Variants in ITPKB observed in about 807,000 individuals in gnomAD.
ITPKB encodes IP3 3-kinase B.
ITPKB carries 13 observed loss-of-function variants against 69.4 expected under a neutral mutation model. That is an observed-to-expected ratio of 0.19 (90% CI 0.12 to 0.30). The LOEUF (loss-of-function observed/expected upper bound fraction) is 0.30, where lower values mean the gene tolerates loss of function less well. Among genes scored for constraint, ITPKB ranks in the 10% least tolerant of loss-of-function variants. ITPKB has a pLI of 1.00. For synonymous variants in ITPKB, 584 were observed against 513.7 expected (o/e 1.14, Z -1.85); for missense variants, 1,240 against 1,250.5 (o/e 0.99, Z 0.13).
At chr1:226,665,824 T>C (rs1443612359) in intron 2 of ITPKB, among the ~76,000 whole-genome samples, 1 of 152,174 alleles carries the variant, frequency 6.6e-6, no homozygotes, top group African/African-American at 2.4e-5. Context: ...CGTTTGGGAC[T>C]TGCAGCCACG....
rs953750007 is a variant in ITPKB, at chr1:226,738,845, A to G, written c.-206+196T>C. 2.0e-5 allele frequency among the ~76,000 whole-genome samples: 3 copies of G among 152,126 alleles called. No homozygotes were observed. The highest frequency in any genetic ancestry group is 2.1e-4 in the South Asian group (1 of 4,822). On this transcript the variant is annotated intron_variant, in intron 1 of 7. Coordinates refer to ENST00000429204, the MANE Select transcript of ITPKB (RefSeq NM_002221.4). The surrounding 1 kb of genome is among the most constrained non-coding windows in gnomAD (Gnocchi z 4.2). ...CGGAAGGCGGGTAGGAGAAATGCGGAGACCTCGTCTCTCCCTATTTTCTCC... is the reference window on the plus strand; with the variant it reads ...CGGAAGGCGGGTAGGAGAAATGCGGGGACCTCGTCTCTCCCTATTTTCTCC...
In ITPKB at chr1:226,675,657, C is replaced by T. The variant is rs138930715; in HGVS notation, c.1933-26886G>A. 3.4e-3 allele frequency among the ~76,000 whole-genome samples: 515 copies of T among 152,294 alleles called. 1 individual carries two copies. Among genetic ancestry groups the T allele is most frequent in the Middle Eastern group, 6.8e-3 (2 of 294 alleles). ...CAAATTACCCAACCTTCCTGCTTCTCGATTTCTACTTCCTCTATAAAACAG... is the reference window on the plus strand; with the variant it reads ...CAAATTACCCAACCTTCCTGCTTCTTGATTTCTACTTCCTCTATAAAACAG... On this transcript the variant is annotated intron_variant, in intron 2 of 7. Coordinates refer to ENST00000429204, the MANE Select transcript of ITPKB (RefSeq NM_002221.4).
At chr1:226,685,133 A>G (rs1656177608) in intron 2 of ITPKB, among the ~76,000 whole-genome samples, 1 of 152,202 alleles carries the variant, frequency 6.6e-6, no homozygotes, top group Admixed American at 6.5e-5. Context: ...ACAACACAGT[A>G]AGAGATTCAT....
intron 2 of ITPKB, among the ~76,000 whole-genome samples, chr1:226,649,554 T>C (rs776837241): frequency 1.7e-4 from 25 of 150,848 alleles, no homozygotes; most frequent in Non-Finnish European, 2.2e-4. Context: ...GCGTGTGTGA[T>C]ATGCACATAT....
chr1:226,667,236 G>T (rs1669519598), intron 2 of ITPKB, among the ~76,000 whole-genome samples: 1 of 152,174 alleles, frequency 6.6e-6, no homozygotes, highest in African/African-American at 2.4e-5. Context: ...TTGAGGACTG[G>T]AAATGGCCAG....
intron 2 of ITPKB, among the ~76,000 whole-genome samples, chr1:226,679,692 T>C (rs966819385): frequency 3.9e-5 from 6 of 152,246 alleles, no homozygotes; most frequent in Non-Finnish European, 4.4e-5. Context: ...GTATTTTTAA[T>C]GTTAGGAAAA....
intron 2 of ITPKB, among the ~76,000 whole-genome samples, chr1:226,734,565 T>C (rs1313964773): frequency 6.6e-6 from 1 of 152,158 alleles, no homozygotes; most frequent in Non-Finnish European, 1.5e-5. Context: ...TTCCCCATGC[T>C]CTCTGGAAAA....
chr1:226,735,007 A>G lies in ITPKB; in HGVS notation c.1932+520T>C, dbSNP rs554413535. ...TTCCTCACCCAGTTGACTGGCCACA[A>G]CCACATCTACAGGTTTCAGGGTCCT... On this transcript the variant is annotated intron_variant, in intron 2 of 7. Coordinates refer to ENST00000429204, the MANE Select transcript of ITPKB (RefSeq NM_002221.4). Among the ~76,000 whole-genome samples the G allele has an allele frequency of 3.8e-3, 585 of 152,338 alleles. 5 individuals are homozygous for G. The highest frequency in any genetic ancestry group is 0.014 in the African/African-American group (565 of 41,570).
At chr1:226,664,214 TGATA>T (rs1163793681) in intron 2 of ITPKB, among the ~76,000 whole-genome samples, 3 of 152,358 alleles carry the variant, frequency 2.0e-5, no homozygotes, top group Non-Finnish European at 4.4e-5. Context: ...TATTCTGGAA[TGATA>T]GAGGCTGAAG....
intron 2 of ITPKB, among the ~76,000 whole-genome samples, chr1:226,728,535 C>T (rs931809944): frequency 7.2e-5 from 11 of 152,242 alleles, no homozygotes; most frequent in African/African-American, 2.7e-4. Flanking sequence ...CGCACAAACA[C>T]TTTGCAAACG....
At chr1:226,704,450 A>C (rs776652276) in intron 2 of ITPKB, among the ~76,000 whole-genome samples, 2 of 152,334 alleles carry the variant, frequency 1.3e-5, no homozygotes, top group East Asian at 3.9e-4. Flanking sequence ...GCTAATGAAG[A>C]TGTGTGAGAA....
At chr1:226,639,683 G>T in intron 5 of ITPKB, 25 bp from the exon 6 acceptor site, 1 of 1,517,120 alleles carries the variant, frequency 6.6e-7, no homozygotes, top group Non-Finnish European at 9.2e-7. Flanking sequence ...ACCCCACCCA[G>T]GAGGGGGTCA....
chr1:226,703,305 T>C (rs1375842366), intron 2 of ITPKB, among the ~76,000 whole-genome samples: 3 of 152,154 alleles, frequency 2.0e-5, no homozygotes, highest in Admixed American at 6.5e-5. Flanking sequence ...CGTGCCTCCA[T>C]TTCTCACTCG....
intron 4 of ITPKB, among the ~76,000 whole-genome samples, chr1:226,643,273 C>A (rs1009737757): frequency 1.3e-5 from 2 of 152,284 alleles, no homozygotes; most frequent in African/African-American, 2.4e-5. Flanking sequence ...CACAGCTCTG[C>A]GCTTCTACCT....
chr1:226,663,276 A>C (rs1296756642), intron 2 of ITPKB, among the ~76,000 whole-genome samples: 2 of 152,164 alleles, frequency 1.3e-5, no homozygotes, highest in East Asian at 3.9e-4. Flanking sequence ...AGGGCCCCAG[A>C]AAGGCAGGCA....
At chr1:226,684,905 C>T (rs530472922) in intron 2 of ITPKB, among the ~76,000 whole-genome samples, 2 of 152,288 alleles carry the variant, frequency 1.3e-5, no homozygotes, top group African/African-American at 2.4e-5. Flanking sequence ...CTGCCTCCAG[C>T]GCTCCACCGT....
At chr1:226,667,826 ATGTGTGTG>A (rs3841844) in intron 2 of ITPKB, among the ~76,000 whole-genome samples, 7 of 148,494 alleles carry the variant, frequency 4.7e-5, no homozygotes, top group South Asian at 2.1e-4. Context: ...GATGAGGAAA[ATGTGTGTG>A]TGTGTGTGTG....
intron 2 of ITPKB, chr1:226,707,954 C>A: frequency 7.8e-7 from 1 of 1,283,756 alleles, no homozygotes. Flanking sequence ...AACAAAAATA[C>A]TCATGGCTGC....
chr1:226,736,516 G>T lies in ITPKB; in HGVS notation c.943C>A (p.Pro315Thr), dbSNP rs766513710. 1 of 1,613,982 alleles carries T rather than the reference G, an allele frequency of 6.2e-7. No individual in the cohort carries two copies. Among genetic ancestry groups the T allele is most frequent in the East Asian group, 2.2e-5 (1 of 44,876 alleles). The change falls in exon 2 of 8, where the codon CCA becomes ACA. Residue 315 changes from proline to threonine, a missense_variant. Pro to Thr is a conservative substitution (Grantham distance 38). Transcript: ENST00000429204. ...EVAARVTSTG[P>T]HRPQDLALTE... ...AGGGCAAGATCCTGTGGACGGTGTG[G>T]CCCAGTGGATGTAACTCTCGCTGCC...
Sources: gnomAD v4.1 joint callset for allele counts (sites outside exome capture counted in the v4.1 genomes callset) on GRCh38, gnomAD v4.1.1 for gene constraint, Gnocchi (gnomAD v3.1) non-coding constraint, MANE v1.5 for transcripts, NCBI Gene and HGNC (gene_info 2026-07-23, HGNC 2026-07-21) for gene names.